FAP: variants seen among roughly 807,000 people sequenced by gnomAD.
The protein encoded by FAP is fibroblast activation protein alpha.
A neutral mutation model predicts 126.5 loss-of-function variants in FAP; 110 were observed. The ratio of observed to expected loss-of-function variants is 0.87; its 90% CI spans 0.74 to 1.02. The LOEUF is 1.02. Among genes scored for constraint, FAP ranks in the 50% least tolerant of loss-of-function variants. The pLI is 0.00. For synonymous variants in FAP, 334 were observed against 297.3 expected (o/e 1.12, Z -1.27); for missense variants, 919 against 909.2 (o/e 1.01, Z -0.14).
chr2:162,188,277 A>T lies in FAP; in HGVS notation c.1706T>A (p.Ile569Asn). ...TGTTCCTCGACCATCCACCAAGGCA[A>T]TGACCATCCCTTCCTTACTTGCAAG... ...SYLASKEGMV[I>N]ALVDGRGTAF... Residue 569 changes from isoleucine to asparagine, a missense_variant, in exon 20 of 26, where the codon ATT becomes AAT. Coordinates refer to ENST00000188790, the MANE Select transcript of FAP (RefSeq NM_004460.5). 1 of 1,613,406 alleles carries T rather than the reference A, an allele frequency of 6.2e-7. No individual in the cohort carries two copies. The highest frequency in any genetic ancestry group is 8.5e-7 in the Non-Finnish European group (1 of 1,179,526).
chr2:162,216,252 G>A (rs1332011636), intron 9 of FAP, among the ~76,000 whole-genome samples: 1 of 152,056 alleles, frequency 6.6e-6, no homozygotes, highest in Non-Finnish European at 1.5e-5. Flanking sequence ...AAAATTTATA[G>A]GGAAAATCAT....
intron 14 of FAP, among the ~76,000 whole-genome samples, chr2:162,201,726 A>T (rs1414328889): frequency 6.6e-6 from 1 of 152,146 alleles, no homozygotes; most frequent in Non-Finnish European, 1.5e-5. Context: ...TGTGTATTGA[A>T]CTACTCTGTG....
At chr2:162,188,001 CT>C (rs1051867503) in intron 20 of FAP, among the ~76,000 whole-genome samples, 167 bp downstream of exon 20, 8 of 151,932 alleles carry the variant, frequency 5.3e-5, no homozygotes, top group African/African-American at 1.7e-4. Flanking sequence ...TCCATAAATA[CT>C]TTTTTTTCAT....
chr2:162,195,957 T>C (rs1388368835), intron 16 of FAP, among the ~76,000 whole-genome samples: 2 of 152,058 alleles, frequency 1.3e-5, no homozygotes, highest in Non-Finnish European at 2.9e-5. Context: ...GAAATGATTT[T>C]TTTGTAGAGT....
At chr2:162,223,851 C>T (rs960935564) in intron 5 of FAP, among the ~76,000 whole-genome samples, 191 bp from the exon 6 acceptor site, 8 of 152,030 alleles carry the variant, frequency 5.3e-5, no homozygotes, top group Admixed American at 2.0e-4. Context: ...ACTTTTGTGC[C>T]GTTTGTGCAA....
At chr2:162,188,456 A>T in intron 19 of FAP, 93 bp from the exon 20 acceptor site, 1 of 1,041,042 alleles carries the variant, frequency 9.6e-7, no homozygotes, top group Non-Finnish European at 1.4e-6. Context: ...TAATTCCAGT[A>T]CAATTATGTG....
At chr2:162,190,136 C>T (rs899847652) in intron 17 of FAP, among the ~76,000 whole-genome samples, 4 of 152,026 alleles carry the variant, frequency 2.6e-5, no homozygotes, top group Non-Finnish European at 1.5e-5. Context: ...AGTGGAAATA[C>T]AATCTGGATT....
At chr2:162,181,891 A>G (rs1302870539) in intron 21 of FAP, among the ~76,000 whole-genome samples, 1 of 152,232 alleles carries the variant, frequency 6.6e-6, no homozygotes, top group African/African-American at 2.4e-5. Context: ...AAAACCCAGT[A>G]TAGTATTAAT....
intron 6 of FAP, chr2:162,221,541 A>T: frequency 2.7e-6 from 1 of 369,004 alleles, no homozygotes. Context: ...AAAAATAAGA[A>T]GACATTCTTC....
At chr2:162,236,582 A>G (rs1259729036) in intron 2 of FAP, among the ~76,000 whole-genome samples, 2 of 150,570 alleles carry the variant, frequency 1.3e-5, no homozygotes, top group African/African-American at 4.9e-5. Context: ...CAATGTGCCT[A>G]TTTCATTTGT....
At chr2:162,196,216 G>C (rs1169611357) in intron 16 of FAP, among the ~76,000 whole-genome samples, 1 of 152,098 alleles carries the variant, frequency 6.6e-6, no homozygotes, top group Non-Finnish European at 1.5e-5. Context: ...TAATATTTTG[G>C]TTTCCTGCCT....
At chr2:162,227,382 A>G (rs1689700457) in intron 2 of FAP, among the ~76,000 whole-genome samples, 1 of 152,192 alleles carries the variant, frequency 6.6e-6, no homozygotes, top group African/African-American at 2.4e-5. Context: ...TGTGTTTTTC[A>G]AACATGATCT....
chr2:162,183,295 T>C, intron 21 of FAP, 119 bp downstream of exon 21: 4 of 824,120 alleles, frequency 4.9e-6, no homozygotes, highest in Non-Finnish European at 8.1e-6. Flanking sequence ...ACTGTTTCCA[T>C]TGACAGATTA....
intron 6 of FAP, among the ~76,000 whole-genome samples, chr2:162,223,363 CA>C (rs1689496411): frequency 6.6e-6 from 1 of 151,926 alleles, no homozygotes; most frequent in Non-Finnish European, 1.5e-5. Context: ...TCTTCAAAAA[CA>C]GAAAATCCAA....
chr2:162,207,083 T>C (rs1425994308), intron 12 of FAP, among the ~76,000 whole-genome samples: 1 of 152,234 alleles, frequency 6.6e-6, no homozygotes. Context: ...TGAATGAATG[T>C]CTGAAATACA....
At chr2:162,177,866 TA>T in intron 21 of FAP, among the ~76,000 whole-genome samples, 1 of 152,314 alleles carries the variant, frequency 6.6e-6, no homozygotes, top group Non-Finnish European at 1.5e-5. Flanking sequence ...ACTTTGCTAT[TA>T]CTTTGTGCAA....
At chr2:162,174,525 C>A (rs1483535108) in intron 22 of FAP, among the ~76,000 whole-genome samples, 1 of 152,102 alleles carries the variant, frequency 6.6e-6, no homozygotes, top group Non-Finnish European at 1.5e-5. Context: ...TCTGGCCTGA[C>A]CGTGCTGAAG....
intron 4 of FAP, 54 bp downstream of exon 4, chr2:162,225,429 T>G: frequency 6.4e-7 from 1 of 1,565,232 alleles, no homozygotes; most frequent in Non-Finnish European, 8.7e-7. Flanking sequence ...TGTTTCTTGG[T>G]CAATGAAGAG....
intron 2 of FAP, among the ~76,000 whole-genome samples, chr2:162,237,369 A>G (rs945579149): frequency 5.9e-5 from 9 of 151,806 alleles, no homozygotes; most frequent in African/African-American, 2.2e-4. Flanking sequence ...TCCCTCCCCT[A>G]GTCCCCCGAC....
Sources: allele counts gnomAD v4.1 joint callset (sites outside exome capture counted in the v4.1 genomes callset), GRCh38; gene constraint gnomAD v4.1.1; transcripts MANE v1.5; gene names NCBI Gene and HGNC (gene_info 2026-07-23, HGNC 2026-07-21).